GNAQ: variants seen among roughly 807,000 people sequenced by gnomAD.
GNAQ encodes the protein guanine nucleotide-binding protein G(q) subunit alpha.
Under a neutral mutation model 43.9 loss-of-function variants are expected in GNAQ, and 8 were observed. The observed-to-expected ratio is 0.18, with a 90% confidence interval of 0.11 to 0.33. The LOEUF is 0.33. GNAQ is among the 10% of genes least tolerant of loss of function. The pLI, the probability that GNAQ is intolerant of heterozygous loss-of-function variation, is 1.00. For synonymous variants in GNAQ, 155 were observed against 170.7 expected (o/e 0.91, Z 0.71); for missense variants, 158 against 450.8 (o/e 0.35, Z 5.88).
intron 1 of GNAQ, among the ~76,000 whole-genome samples, chr9:77,961,431 G>C (rs1373532026): frequency 6.6e-6 from 1 of 152,158 alleles, no homozygotes; most frequent in Non-Finnish European, 1.5e-5. Context: ...GCTGAACAGA[G>C]AGAAAGCTCT....
chr9:77,814,350 T>C (rs572296897), intron 3 of GNAQ, among the ~76,000 whole-genome samples: 1 of 151,908 alleles, frequency 6.6e-6, no homozygotes, highest in South Asian at 2.1e-4. Context: ...AGAAGAACTA[T>C]ATGAAGGTAT....
At chr9:77,959,355 A>G (rs1479981934) in intron 1 of GNAQ, among the ~76,000 whole-genome samples, 1 of 152,158 alleles carries the variant, frequency 6.6e-6, no homozygotes, top group Non-Finnish European at 1.5e-5. Flanking sequence ...TTTCATATAT[A>G]ACTTTTATTT....
At chr9:77,989,697 C>G (rs1279109188) in intron 1 of GNAQ, among the ~76,000 whole-genome samples, 2 of 152,232 alleles carry the variant, frequency 1.3e-5, no homozygotes, top group African/African-American at 4.8e-5. Context: ...GCCTTCCCTA[C>G]CACTGGACTG....
intron 1 of GNAQ, among the ~76,000 whole-genome samples, chr9:78,019,705 C>G (rs1006950008): frequency 6.6e-6 from 1 of 151,970 alleles, no homozygotes; most frequent in South Asian, 2.1e-4. Context: ...GGTGGATCAC[C>G]TGAGGTCAGG....
At chr9:77,761,479 C>T (rs1315424340) in intron 5 of GNAQ, among the ~76,000 whole-genome samples, 667 of 135,444 alleles carry the variant, frequency 4.9e-3, no homozygotes, top group Middle Eastern at 8.9e-3. Flanking sequence ...TGGCCAGTCG[C>T]CCAGTCCGGG....
intron 1 of GNAQ, among the ~76,000 whole-genome samples, chr9:77,952,239 T>C (rs1236243085): frequency 2.0e-5 from 3 of 152,250 alleles, no homozygotes; most frequent in Non-Finnish European, 2.9e-5. Flanking sequence ...ATAACATTGT[T>C]GCTGTTGTTG....
At chr9:77,759,909 T>TC (rs3083122) in intron 5 of GNAQ, among the ~76,000 whole-genome samples, 7 of 149,600 alleles carry the variant, frequency 4.7e-5, no homozygotes, top group African/African-American at 1.7e-4. Flanking sequence ...TTTCTTTCTT[T>TC]TTTTTCTTTT....
chr9:77,970,084 T>C (rs11145639), intron 1 of GNAQ, among the ~76,000 whole-genome samples: 6,677 of 152,182 alleles, frequency 0.044, 297 homozygotes, highest in East Asian at 0.21. Context: ...CCAGGTGCAG[T>C]GGTGCACGCC....
chr9:77,908,686 A>T (rs1828751759), intron 2 of GNAQ, among the ~76,000 whole-genome samples: 1 of 152,162 alleles, frequency 6.6e-6, no homozygotes, highest in African/African-American at 2.4e-5. Flanking sequence ...TCATGGCCAA[A>T]ATCCTATTGA....
chr9:77,995,971 T>A (rs1199233328), intron 1 of GNAQ, among the ~76,000 whole-genome samples: 2 of 152,194 alleles, frequency 1.3e-5, no homozygotes, highest in African/African-American at 4.8e-5. Context: ...TACATTCTAT[T>A]TGCACACAGA....
chr9:77,859,147 T>C (rs545976014), intron 2 of GNAQ, among the ~76,000 whole-genome samples: 11 of 152,328 alleles, frequency 7.2e-5, no homozygotes, highest in African/African-American at 2.6e-4. Flanking sequence ...CTCTAAATGC[T>C]AACTCCTGGA....
At chr9:77,925,428 T>G (rs971846641) in intron 1 of GNAQ, among the ~76,000 whole-genome samples, 2 of 152,196 alleles carry the variant, frequency 1.3e-5, no homozygotes, top group South Asian at 4.1e-4. Flanking sequence ...CCTAAATCCA[T>G]GATAATTCAC....
chr9:77,926,797 C>A (rs1829078520), intron 1 of GNAQ, among the ~76,000 whole-genome samples: 1 of 152,176 alleles, frequency 6.6e-6, no homozygotes, highest in East Asian at 1.9e-4. Context: ...CTTTTCTTAT[C>A]TCAGCTCATC....
chr9:77,977,353 C>T (rs986807102), intron 1 of GNAQ, among the ~76,000 whole-genome samples: 10 of 152,100 alleles, frequency 6.6e-5, no homozygotes, highest in African/African-American at 2.2e-4. Flanking sequence ...TCTCCAAGGG[C>T]TCCTACCCCA....
At chr9:77,883,397 G>A (rs983754344) in intron 2 of GNAQ, among the ~76,000 whole-genome samples, 1 of 151,638 alleles carries the variant, frequency 6.6e-6, no homozygotes, top group African/African-American at 2.4e-5. Context: ...AATCAGAGTA[G>A]AGTGCTTTTC....
chr9:77,793,166 G>A (rs1333852280), intron 5 of GNAQ, among the ~76,000 whole-genome samples: 6 of 152,080 alleles, frequency 3.9e-5, no homozygotes, highest in African/African-American at 7.2e-5. Context: ...AGATATCATA[G>A]CTAAAATTCT....
chr9:77,790,947 G>A (rs1408885928), intron 5 of GNAQ, among the ~76,000 whole-genome samples: 1 of 152,188 alleles, frequency 6.6e-6, no homozygotes, highest in Non-Finnish European at 1.5e-5. Flanking sequence ...TATTATAAAC[G>A]TCTATGCTTT....
intron 5 of GNAQ, among the ~76,000 whole-genome samples, chr9:77,766,065 G>A (rs1032354004): frequency 1.1e-4 from 17 of 152,312 alleles, no homozygotes; most frequent in Admixed American, 1.0e-3. Flanking sequence ...GTGGTTGTGG[G>A]GGATGGACAG....
chr9:77,838,137 A>ATTTT (rs574992587), intron 2 of GNAQ, among the ~76,000 whole-genome samples: 36 of 87,168 alleles, frequency 4.1e-4, no homozygotes, highest in African/African-American at 5.5e-4. Flanking sequence ...GGCATTAATG[A>ATTTT]TTTTTTTTTT....
Sources: gnomAD v4.1 joint callset for allele counts (sites outside exome capture counted in the v4.1 genomes callset) on GRCh38, gnomAD v4.1.1 for gene constraint, MANE v1.5 for transcripts, NCBI Gene and HGNC (gene_info 2026-07-23, HGNC 2026-07-21) for gene names.